PPP6R2: variants seen among roughly 807,000 people sequenced by gnomAD.
The protein encoded by PPP6R2 is serine/threonine-protein phosphatase 6 regulatory subunit 2.
A neutral mutation model predicts 100.2 loss-of-function variants in PPP6R2; 62 were observed. The observed-to-expected ratio is 0.62, with a 90% CI of 0.50 to 0.76. The LOEUF is 0.76. PPP6R2 is among the 30% of genes least tolerant of loss of function. The pLI is 0.00. For synonymous variants in PPP6R2, 525 were observed against 514.7 expected (o/e 1.02, Z -0.27); for missense variants, 1,142 against 1,276.3 (o/e 0.89, Z 1.60).
rs758224136 is a variant in PPP6R2, at chr22:50,418,943, C to T, written c.695C>T (p.Ala232Val). The T allele has an allele frequency of 2.5e-6, 4 of 1,613,920 alleles. No individual in the cohort carries two copies. The highest frequency in any genetic ancestry group is 3.4e-6 in the Non-Finnish European group (4 of 1,179,840). ...GRDQGSQLQE[A>V]LEPDPLLTAL... Reference sequence around the variant, plus strand: ...GACCAGGGCAGTCAGCTGCAAGAGGCTCTGGAGCCAGACCCGCTCCTCACA... The same window carrying T: ...GACCAGGGCAGTCAGCTGCAAGAGGTTCTGGAGCCAGACCCGCTCCTCACA... Residue 232 changes from alanine (A) to valine (V), a missense_variant, in exon 7 of 24, where the codon GCT becomes GTT. Ala to Val is a moderately conservative substitution (Grantham distance 64). Coordinates refer to ENST00000612753, the MANE Select transcript of PPP6R2 (RefSeq NM_001242898.2).
Position 50,423,345 on chromosome 22 carries a change from A to G in PPP6R2, c.973-117A>G. 7.6e-7 allele frequency: 1 copy of G among 1,308,266 alleles called. No homozygotes were observed. The allele number at this position is 1,308,266 out of a possible 1,614,324, so 81.0% of individuals were successfully genotyped here. On this transcript the variant is annotated intron_variant, in intron 9 of 23. Coordinates refer to ENST00000612753, the MANE Select transcript of PPP6R2 (RefSeq NM_001242898.2). The surrounding 1 kb of genome is among the most constrained non-coding windows in gnomAD (Gnocchi z 4.8). ...GCCCTCCCTGAGGAACCCCCACCAC[A>G]TACCTCGCTACCCCAGGCTGGGTCC...
intron 1 of PPP6R2, among the ~76,000 whole-genome samples, chr22:50,347,524 C>T (rs934425937): frequency 1.3e-5 from 2 of 152,022 alleles, no homozygotes; most frequent in Admixed American, 6.6e-5. Flanking sequence ...CCCCATGCAC[C>T]GTACTGTCCC....
intron 1 of PPP6R2, among the ~76,000 whole-genome samples, chr22:50,349,628 C>G (rs993519689): frequency 1.3e-5 from 2 of 151,904 alleles, no homozygotes; most frequent in African/African-American, 4.8e-5. Context: ...GAATTCGAGA[C>G]CAGCCTGGCC....
chr22:50,435,145 G>A (rs1435016733), intron 13 of PPP6R2, 64 bp downstream of exon 13: 14 of 1,329,192 alleles, frequency 1.1e-5, no homozygotes, highest in East Asian at 5.4e-5. Flanking sequence ...AGGAGCTGCC[G>A]CCTGAGACTA....
At chr22:50,432,608 C>T (rs2063368505) in intron 12 of PPP6R2, among the ~76,000 whole-genome samples, 1 of 152,234 alleles carries the variant, frequency 6.6e-6, no homozygotes, top group African/African-American at 2.4e-5. Flanking sequence ...CTGGCTTTGC[C>T]CTCTTGTGGG....
At chr22:50,366,594 G>A (rs1028399083) in intron 1 of PPP6R2, among the ~76,000 whole-genome samples, 7 of 152,024 alleles carry the variant, frequency 4.6e-5, no homozygotes, top group South Asian at 2.1e-4. Context: ...GTGAGCCACC[G>A]CACCCGGCCC....
At chr22:50,346,623 C>T (rs996844836) in intron 1 of PPP6R2, among the ~76,000 whole-genome samples, 33 of 145,850 alleles carry the variant, frequency 2.3e-4, no homozygotes, top group African/African-American at 8.2e-4. Context: ...CAGTCCCCAC[C>T]CCACCCATCA....
chr22:50,375,832 A>ATTTTT lies in PPP6R2; in HGVS notation c.-17+3704_-17+3708dup, dbSNP rs557118142. Among the ~76,000 whole-genome samples the ATTTTT allele has an allele frequency of 3.2e-3, 206 of 64,550 alleles. 26 individuals are homozygous for ATTTTT. Among genetic ancestry groups the ATTTTT allele is most frequent in the East Asian group, 0.021 (44 of 2,110 alleles). 42.3% of individuals were successfully genotyped at this position (64,550 alleles called of 152,430 possible). The stretch of plus-strand genomic sequence containing the variant: ...CCTAAGATACAAAGAATCCCTGCAG[A>ATTTTT]TTTTTTTTTTTTTTTTTTTTTTTTT... On this transcript the variant is annotated intron_variant, in intron 2 of 23. Transcript: ENST00000612753.
intron 1 of PPP6R2, among the ~76,000 whole-genome samples, chr22:50,347,318 C>T (rs79547416): frequency 0.024 from 3,634 of 152,168 alleles, 72 homozygotes; most frequent in East Asian, 0.089. Context: ...ACTTTCAGTG[C>T]CCGCTGTCAT....
chr22:50,349,083 T>G (rs900383404), intron 1 of PPP6R2, among the ~76,000 whole-genome samples: 10 of 150,620 alleles, frequency 6.6e-5, no homozygotes, highest in African/African-American at 2.4e-4. Flanking sequence ...TAATCCCAGC[T>G]ACTCAGGAGG....
intron 3 of PPP6R2, among the ~76,000 whole-genome samples, chr22:50,394,687 G>T (rs1266510735): frequency 6.6e-6 from 1 of 150,624 alleles, no homozygotes. Context: ...CAGGCAGATC[G>T]CTAGGTCAGG....
chr22:50,385,725 AG>A (rs1312936927), intron 2 of PPP6R2, among the ~76,000 whole-genome samples: 6 of 149,948 alleles, frequency 4.0e-5, no homozygotes, highest in Admixed American at 3.3e-4. Flanking sequence ...CATGTTGGCC[AG>A]GCTGGTCTTG....
chr22:50,373,418 T>A (rs963368516), intron 2 of PPP6R2, among the ~76,000 whole-genome samples: 2 of 151,702 alleles, frequency 1.3e-5, no homozygotes, highest in South Asian at 4.2e-4. Context: ...ATTTTTTTTG[T>A]ATTTGTAGTA....
intron 2 of PPP6R2, chr22:50,393,330 C>T (rs988944838): frequency 1.2e-5 from 11 of 943,736 alleles, no homozygotes; most frequent in Non-Finnish European, 1.4e-5. Context: ...GGAGTGAGCG[C>T]AGGGTCAGGC....
At chr22:50,349,363 C>CAA (rs1225878624) in intron 1 of PPP6R2, among the ~76,000 whole-genome samples, 883 of 56,100 alleles carry the variant, frequency 0.016, 21 homozygotes, top group Middle Eastern at 0.024. Flanking sequence ...GACCCTGTCT[C>CAA]AAAAAAAAAA....
chr22:50,441,005 G>C lies in PPP6R2; in HGVS notation c.2558G>C (p.Arg853Thr), dbSNP rs750783608. ...GCCCCCCCGCTGCCCACAGTGGCCA[G>C]GACAGAGGAGGCTGTCGGCAGGTGT... ...REAPPLPTVA[R>T]TEEAVGRVGC... is the part of the protein sequence containing the mutation. Residue 853 changes from arginine (R) to threonine (T), a missense_variant, in exon 22 of 24, where the codon AGG becomes ACG. By Grantham distance (71) the Arg-to-Thr change is moderately conservative (BLOSUM62 -1). Around this residue, in one of 2 missense-constraint regions of PPP6R2, gnomAD observed 550 missense variants for 517.4 expected, o/e 1.06. Transcript: ENST00000612753. The C allele has an allele frequency of 1.9e-6, 3 of 1,596,986 alleles. No homozygotes were observed. Among genetic ancestry groups the C allele is most frequent in the Non-Finnish European group, 2.6e-6 (3 of 1,168,694 alleles).
Position 50,417,078 on chromosome 22 carries a change from C to T in PPP6R2, c.618+921C>T, listed in dbSNP as rs181793535. Among the ~76,000 whole-genome samples the T allele has an allele frequency of 5.3e-5, 8 of 152,212 alleles. No individual in the cohort carries two copies. In the East Asian group the frequency reaches 1.4e-3, roughly 26 times the overall value. ...TTTTTACCTGTAGCAGTATCAGTTT[C>T]TGTGGATCAGGCGTCTGAATGTGGC... On this transcript the variant is annotated intron_variant, in intron 6 of 23. Transcript: ENST00000612753.
chr22:50,427,655 C>T (rs1212908687), intron 10 of PPP6R2, among the ~76,000 whole-genome samples: 1 of 152,068 alleles, frequency 6.6e-6, no homozygotes, highest in African/African-American at 2.4e-5. Flanking sequence ...CGGGTTCAAA[C>T]AAGTCTCCTG....
chr22:50,341,018 C>T (rs2042364420), upstream of PPP6R2, among the ~76,000 whole-genome samples: 1 of 152,132 alleles, frequency 6.6e-6, no homozygotes, highest in Admixed American at 6.5e-5. Flanking sequence ...TCAAGTGATT[C>T]TCCTGCCTCA....
Sources: gnomAD v4.1 joint callset for allele counts (sites outside exome capture counted in the v4.1 genomes callset) on GRCh38, gnomAD v4.1.1 for gene constraint, gnomAD v4.1.1 regional missense constraint, Gnocchi (gnomAD v3.1) non-coding constraint, MANE v1.5 for transcripts, NCBI Gene and HGNC (gene_info 2026-07-23, HGNC 2026-07-21) for gene names.